Variants in ZNF521 observed in about 807,000 individuals in gnomAD.
The protein encoded by ZNF521 is LYST-interacting protein 3.
A neutral mutation model predicts 105.5 loss-of-function variants in ZNF521; 14 were observed. That is an observed-to-expected ratio of 0.13 (90% CI 0.09 to 0.21). The LOEUF (loss-of-function observed/expected upper bound fraction) is 0.21, where lower values mean the gene tolerates loss of function less well. ZNF521 is among the 10% of genes least tolerant of loss of function. The probability of loss-of-function intolerance (pLI) is 1.00; values close to 1 mark genes in which losing one functional copy is unlikely to be tolerated. For synonymous variants in ZNF521, 635 were observed against 606.0 expected (o/e 1.05, Z -0.70); for missense variants, 1,233 against 1,629.7 (o/e 0.76, Z 4.19).
intron 5 of ZNF521, among the ~76,000 whole-genome samples, chr18:25,110,442 C>CAAAAAAAAA (rs372395726): frequency 4.7e-5 from 7 of 148,974 alleles, no homozygotes; most frequent in Non-Finnish European, 7.5e-5. Flanking sequence ...GGCAGGAGAC[C>CAAAAAAAAA]AAAAAAGAAA....
At chr18:25,328,720 T>C (rs1294340087) in intron 2 of ZNF521, among the ~76,000 whole-genome samples, 2 of 151,940 alleles carry the variant, frequency 1.3e-5, no homozygotes, top group African/African-American at 2.4e-5. Flanking sequence ...GCCTGGCTAA[T>C]TTTTTGTATT....
At chr18:25,099,311 G>A (rs190348309) in intron 5 of ZNF521, among the ~76,000 whole-genome samples, 30 of 152,228 alleles carry the variant, frequency 2.0e-4, no homozygotes, top group Admixed American at 1.4e-3. Context: ...ATTTTGCTCC[G>A]TTCCCTTGTG....
intron 5 of ZNF521, among the ~76,000 whole-genome samples, chr18:25,144,800 A>G (rs1398540409): frequency 6.6e-6 from 1 of 152,242 alleles, no homozygotes; most frequent in Non-Finnish European, 1.5e-5. Flanking sequence ...GCTTAACTGG[A>G]AAACGCAGGA....
intron 5 of ZNF521, among the ~76,000 whole-genome samples, chr18:25,108,688 G>A (rs1024789489): frequency 2.6e-5 from 4 of 152,118 alleles, no homozygotes; most frequent in African/African-American, 7.2e-5. Context: ...GCAGTGGCTC[G>A]ATCTTGGCTC....
intron 3 of ZNF521, among the ~76,000 whole-genome samples, chr18:25,237,157 C>T (rs1203251291): frequency 6.6e-6 from 1 of 152,076 alleles, no homozygotes; most frequent in Non-Finnish European, 1.5e-5. Context: ...GGAACCAGTA[C>T]AGTTAAAATT....
At position 25,090,638 on chromosome 18, in the gene ZNF521, G is replaced by A. The variant is rs11083107; in HGVS notation, c.3791-1058C>T. Among the ~76,000 whole-genome samples, 1,085 of 152,144 alleles carry A rather than the reference G, an allele frequency of 7.1e-3. 10 individuals carry two copies. Among genetic ancestry groups the A allele is most frequent in the African/African-American group, 0.025 (1,043 of 41,498 alleles). On this transcript the variant is annotated intron_variant, in intron 6 of 7. Transcript: ENST00000361524. ...TTAATGCATTTTTGTCTCTTTATCC[G>A]TATCAACAAGAAGAAATGAGGTTTT...
At chr18:25,178,287 A>C (rs1465969879) in intron 5 of ZNF521, among the ~76,000 whole-genome samples, 1 of 152,234 alleles carries the variant, frequency 6.6e-6, no homozygotes, top group East Asian at 1.9e-4. Flanking sequence ...CAATAATTAG[A>C]CAACATGTGC....
chr18:25,101,643 T>C (rs968316370), intron 5 of ZNF521, among the ~76,000 whole-genome samples: 2 of 152,144 alleles, frequency 1.3e-5, no homozygotes, highest in Non-Finnish European at 2.9e-5. Flanking sequence ...GAACAATATG[T>C]AAACTTCACT....
At chr18:25,078,851 G>A (rs989957386) in intron 7 of ZNF521, among the ~76,000 whole-genome samples, 1 of 152,146 alleles carries the variant, frequency 6.6e-6, no homozygotes. Context: ...TCACCTTCTG[G>A]GCTCCCAGCA....
At chr18:25,281,741 G>A (rs978882407) in intron 3 of ZNF521, among the ~76,000 whole-genome samples, 2 of 152,190 alleles carry the variant, frequency 1.3e-5, no homozygotes, top group African/African-American at 4.8e-5. Context: ...CAGGCAATGT[G>A]ACTTGCCTTC....
intron 5 of ZNF521, among the ~76,000 whole-genome samples, chr18:25,130,087 T>G (rs1450421377): frequency 6.6e-6 from 1 of 152,132 alleles, no homozygotes; most frequent in Non-Finnish European, 1.5e-5. Flanking sequence ...AAGCAACAAC[T>G]AAGATGTCTT....
rs1906257597 is a variant in ZNF521, at chr18:25,227,687, A to G, written c.231T>C (p.Asp77=). The G allele has an allele frequency of 6.2e-7, 1 of 1,610,208 alleles. No homozygotes were observed. ...AAGAGCAAGTCGGATCATCTTCAAC[A>G]TCCACTCCATCTGCAACAAGAAGCA... ...INQCQLTDGV[D]VEDDPTCSWP... is the part of the protein sequence containing the mutation. The change falls in exon 4 of 8, where the codon GAT becomes GAC. Residue 77 remains aspartate, a synonymous_variant. Coordinates refer to ENST00000361524, the MANE Select transcript of ZNF521 (RefSeq NM_015461.3). This position sits in a 1 kb window ranked among gnomAD's most constrained non-coding sequence, Gnocchi z 5.7.
At chr18:25,209,252 C>T (rs1349692638) in intron 4 of ZNF521, among the ~76,000 whole-genome samples, 2 of 152,066 alleles carry the variant, frequency 1.3e-5, no homozygotes, top group African/African-American at 4.8e-5. Flanking sequence ...CTGCCTCAGC[C>T]TCCTGAGTAG....
Position 25,227,717 on chromosome 18 carries a change from C to A in ZNF521, c.221-20G>T, listed in dbSNP as rs1452403987. On this transcript the variant is annotated intron_variant, in intron 3 of 7. Transcript: ENST00000361524. The surrounding 1 kb of genome is among the most constrained non-coding windows in gnomAD (Gnocchi z 5.7). ...CTCCATCTGCAACAAGAAGCAATGACAAATTTCATCTGACATGTTGAGATT... is the reference window on the plus strand; with the variant it reads ...CTCCATCTGCAACAAGAAGCAATGAAAAATTTCATCTGACATGTTGAGATT... 1.3e-6 allele frequency: 2 copies of A among 1,590,548 alleles called. No individual in the cohort carries two copies. Among genetic ancestry groups the A allele is most frequent in the Admixed American group, 1.7e-5 (1 of 58,336 alleles).
chr18:25,314,397 G>T (rs562338796), intron 3 of ZNF521, among the ~76,000 whole-genome samples: 49 of 152,156 alleles, frequency 3.2e-4, no homozygotes, highest in Middle Eastern at 3.4e-3. Flanking sequence ...AAATTCTTTG[G>T]CCAAATAATA....
intron 5 of ZNF521, among the ~76,000 whole-genome samples, chr18:25,121,966 T>C (rs1327373199): frequency 6.6e-6 from 1 of 151,882 alleles, no homozygotes; most frequent in Non-Finnish European, 1.5e-5. Context: ...ATGCAACACA[T>C]AGGGCAAAGC....
intron 5 of ZNF521, among the ~76,000 whole-genome samples, chr18:25,162,644 A>G (rs763490361): frequency 3.7e-4 from 57 of 152,342 alleles, no homozygotes; most frequent in African/African-American, 1.3e-3. Flanking sequence ...TGATGTAAAA[A>G]TGCAGTGAAA....
At chr18:25,248,058 G>C (rs1163975156) in intron 3 of ZNF521, among the ~76,000 whole-genome samples, 1 of 152,060 alleles carries the variant, frequency 6.6e-6, no homozygotes, top group Non-Finnish European at 1.5e-5. Flanking sequence ...AAAAATCATA[G>C]TTTTGAATCC....
chr18:25,165,938 A>C (rs372950899), intron 5 of ZNF521, among the ~76,000 whole-genome samples: 47 of 152,166 alleles, frequency 3.1e-4, no homozygotes, highest in African/African-American at 2.2e-4. Context: ...CTGCCAAACA[A>C]CACCAAAAAG....
Sources: gnomAD v4.1 joint callset for allele counts (sites outside exome capture counted in the v4.1 genomes callset) on GRCh38, gnomAD v4.1.1 for gene constraint, Gnocchi (gnomAD v3.1) non-coding constraint, MANE v1.5 for transcripts, NCBI Gene and HGNC (gene_info 2026-07-23, HGNC 2026-07-21) for gene names.